The following PSPC1 variants were observed in gnomAD, a reference collection of about 807,000 sequenced individuals.
PSPC1 encodes paraspeckle component 1, also known as paraspeckle protein 1.
A neutral mutation model predicts 51.6 loss-of-function variants in PSPC1; 14 were observed. That is an observed-to-expected ratio of 0.27 (90% confidence interval 0.18 to 0.42). The LOEUF is 0.42. Ranked by LOEUF, PSPC1 falls within the 10% of genes least tolerant of loss-of-function variation. The pLI is 1.00. For missense variants in PSPC1, 406 were observed against 701.1 expected (o/e 0.58, Z 4.75); for synonymous variants, 193 against 231.9 (o/e 0.83, Z 1.53).
chr13:19,683,468 A>C (rs955220921), intron 6 of PSPC1, among the ~76,000 whole-genome samples: 7 of 152,244 alleles, frequency 4.6e-5, no homozygotes, highest in African/African-American at 1.7e-4. Flanking sequence ...CAGATTTATC[A>C]ACGGTGATCA....
intron 4 of PSPC1, among the ~76,000 whole-genome samples, chr13:19,741,933 A>G (rs1364729775): frequency 1.3e-5 from 2 of 152,112 alleles, no homozygotes; most frequent in African/African-American, 2.4e-5. Flanking sequence ...GGAGTTTGAG[A>G]CCAGCCTGGC....
intron 5 of PSPC1, among the ~76,000 whole-genome samples, chr13:19,739,769 G>C (rs931157607): frequency 6.7e-6 from 1 of 148,356 alleles, no homozygotes; most frequent in Non-Finnish European, 1.5e-5. Flanking sequence ...AAAAAAAGTA[G>C]AAGAGATTTG....
chr13:19,671,850 G>T (rs1219493966), downstream of PSPC1: 1 of 1,614,154 alleles, frequency 6.2e-7, no homozygotes, highest in Non-Finnish European at 8.5e-7. Context: ...TTGCTAATAG[G>T]TGCATACAGA....
At chr13:19,741,110 G>A (rs185655992) in intron 5 of PSPC1, among the ~76,000 whole-genome samples, 1 of 152,264 alleles carries the variant, frequency 6.6e-6, no homozygotes, top group Admixed American at 6.5e-5. Flanking sequence ...CTGACCTCAT[G>A]TGATCTGCCC....
intron 5 of PSPC1, among the ~76,000 whole-genome samples, chr13:19,732,365 G>A (rs1884221093): frequency 1.3e-5 from 2 of 152,084 alleles, no homozygotes; most frequent in African/African-American, 4.8e-5. Flanking sequence ...GGTCAAATGT[G>A]TTGAAATTCA....
intron 4 of PSPC1, among the ~76,000 whole-genome samples, chr13:19,747,730 A>G (rs921132603): frequency 4.6e-5 from 7 of 152,196 alleles, no homozygotes; most frequent in Non-Finnish European, 1.0e-4. Context: ...AATACAAAAG[A>G]GACTTAAAAT....
chr13:19,746,884 T>C (rs1451392635), intron 4 of PSPC1, among the ~76,000 whole-genome samples: 2 of 152,082 alleles, frequency 1.3e-5, no homozygotes, highest in Non-Finnish European at 2.9e-5. Flanking sequence ...CTGAGGCGGA[T>C]GGATCACTTG....
At chr13:19,776,798 C>T (rs1349482933) in intron 1 of PSPC1, among the ~76,000 whole-genome samples, 6 of 151,194 alleles carry the variant, frequency 4.0e-5, no homozygotes, top group Admixed American at 6.6e-5. Flanking sequence ...TGAGCCACCG[C>T]GCCCGGCCTA....
intron 4 of PSPC1, among the ~76,000 whole-genome samples, chr13:19,750,615 C>A (rs1334666642): frequency 3.3e-5 from 5 of 152,016 alleles, no homozygotes; most frequent in African/African-American, 1.2e-4. Flanking sequence ...TGTCCAAATT[C>A]TTCTCATCAA....
chr13:19,752,234 T>A (rs7139825), intron 3 of PSPC1, among the ~76,000 whole-genome samples: 138,383 of 152,112 alleles, frequency 0.91, 64,331 homozygotes, highest in Non-Finnish European at 1. Flanking sequence ...TAATTATTTA[T>A]TACCTCTTTC....
rs1466262745 is a variant in PSPC1, at chr13:19,782,416, G to A, written c.342C>T (p.Asn114=). 1 of 1,603,564 alleles carries A rather than the reference G, an allele frequency of 6.2e-7. No individual in the cohort carries two copies. The highest frequency in any genetic ancestry group is 8.5e-7 in the Non-Finnish European group (1 of 1,174,818). Reference sequence around the variant, plus strand: ...GGATGAAGCCGAAGCCACGGTCCCGGTTGATGAAGACTTCGCTGGGCTCGC... The same window carrying A: ...GGATGAAGCCGAAGCCACGGTCCCGATTGATGAAGACTTCGCTGGGCTCGC... ...RYGEPSEVFI[N]RDRGFGFIRL... is the part of the protein sequence containing the mutation. The change falls in exon 1 of 9, where the codon AAC becomes AAT. Residue 114 remains asparagine (N), a synonymous_variant. Transcript: ENST00000338910. This position sits in a 1 kb window ranked among gnomAD's most constrained non-coding sequence, Gnocchi z 4.5.
At chr13:19,744,950 C>T (rs1031677851) in intron 4 of PSPC1, among the ~76,000 whole-genome samples, 3 of 152,172 alleles carry the variant, frequency 2.0e-5, no homozygotes, top group African/African-American at 7.2e-5. Flanking sequence ...GTCATGAAGG[C>T]ATCATCTACC....
At chr13:19,724,993 G>A (rs958935313) in intron 6 of PSPC1, among the ~76,000 whole-genome samples, 3 of 150,820 alleles carry the variant, frequency 2.0e-5, no homozygotes, top group South Asian at 2.1e-4. Context: ...GCAAGACTCC[G>A]TCTCAAAAAT....
intron 2 of PSPC1, among the ~76,000 whole-genome samples, chr13:19,766,464 G>A (rs1245045224): frequency 1.3e-5 from 2 of 152,132 alleles, no homozygotes; most frequent in South Asian, 2.1e-4. Context: ...AGGCCAAAAC[G>A]AGCAGATCAC....
At chr13:19,718,734 T>C (rs1882415540) in intron 6 of PSPC1, among the ~76,000 whole-genome samples, 1 of 152,110 alleles carries the variant, frequency 6.6e-6, no homozygotes, top group South Asian at 2.1e-4. Flanking sequence ...GCAACTAAGA[T>C]GTCCTTTAGT....
At chr13:19,758,695 C>T (rs1389869893) in intron 3 of PSPC1, among the ~76,000 whole-genome samples, 1 of 151,738 alleles carries the variant, frequency 6.6e-6, no homozygotes, top group Admixed American at 6.6e-5. Context: ...ATTAGTCGGG[C>T]GTGGTGGCGC....
chr13:19,683,934 TATG>T lies in PSPC1; in HGVS notation c.1159-6114_1159-6112del, dbSNP rs1877566241. Among the ~76,000 whole-genome samples the T allele has an allele frequency of 3.9e-5, 6 of 152,278 alleles. No individual in the cohort carries two copies. The South Asian group carries it at 1.0e-3, about 26-fold the overall frequency. On this transcript the variant is annotated intron_variant and NMD_transcript_variant, in intron 6 of 7. Transcript: ENST00000471658. ...AGACTCATAGTTGAATAAAGTACAA[TATG>T]ATGACTTTATCAAACATAATTAATG...
intron 4 of PSPC1, among the ~76,000 whole-genome samples, chr13:19,742,812 C>T (rs77026274): frequency 6.6e-6 from 1 of 152,110 alleles, no homozygotes; most frequent in Non-Finnish European, 1.5e-5. Context: ...GAGACACCAG[C>T]AGAGAGCACT....
At chr13:19,780,564 A>C (rs1457196620) in intron 1 of PSPC1, among the ~76,000 whole-genome samples, 4 of 99,550 alleles carry the variant, frequency 4.0e-5, no homozygotes, top group African/African-American at 1.3e-4. Context: ...GGTTAAATGG[A>C]TTAAGGGCGG....
Sources: gnomAD v4.1 joint callset for allele counts (sites outside exome capture counted in the v4.1 genomes callset) on GRCh38, gnomAD v4.1.1 for gene constraint, Gnocchi (gnomAD v3.1) non-coding constraint, MANE v1.5 for transcripts, NCBI Gene and HGNC (gene_info 2026-07-23, HGNC 2026-07-21) for gene names.